NAV2: variants seen among roughly 807,000 people sequenced by gnomAD.
NAV2 encodes neuron navigator 2.
A neutral mutation model predicts 223.2 loss-of-function variants in NAV2; 54 were observed. The observed-to-expected ratio is 0.24, with a 90% CI of 0.19 to 0.30. NAV2 has a LOEUF of 0.30. NAV2 is among the 10% of genes least tolerant of loss of function. NAV2 has a pLI of 1.00. For missense variants in NAV2, 2,806 were observed against 3,147.5 expected (o/e 0.89, Z 2.60); for synonymous variants, 1,279 against 1,239.3 (o/e 1.03, Z -0.67).
chr11:19,371,928 G>A (rs1174001378), intron 1 of NAV2, among the ~76,000 whole-genome samples: 1 of 151,866 alleles, frequency 6.6e-6, no homozygotes, highest in African/African-American at 2.4e-5. Flanking sequence ...CAGGCACCCA[G>A]AACCACATCT....
chr11:19,811,800 G>C (rs78980230), intron 1 of NAV2, among the ~76,000 whole-genome samples: 3 of 152,106 alleles, frequency 2.0e-5, no homozygotes, highest in Non-Finnish European at 4.4e-5. Context: ...TTTTTATCTG[G>C]ATTCTAGGGG....
At chr11:19,929,308 AG>A (rs1380244642) in intron 6 of NAV2, among the ~76,000 whole-genome samples, 5 of 152,198 alleles carry the variant, frequency 3.3e-5, no homozygotes, top group African/African-American at 9.6e-5. Context: ...ACAGCCACTC[AG>A]CCAAGCTCTG....
intron 1 of NAV2, among the ~76,000 whole-genome samples, chr11:19,589,478 T>C (rs1207944210): frequency 6.6e-6 from 1 of 152,030 alleles, no homozygotes; most frequent in Admixed American, 6.5e-5. Context: ...GTCAGGGCCC[T>C]GGAAAAAGGA....
intron 3 of NAV2, 110 bp downstream of exon 3, chr11:19,843,033 T>C (rs2060592409): frequency 1.2e-6 from 1 of 845,416 alleles, no homozygotes; most frequent in Admixed American, 2.2e-5. Context: ...TCCAGGGGAT[T>C]ATATTAATAA....
intron 1 of NAV2, among the ~76,000 whole-genome samples, chr11:19,502,347 A>G (rs529318404): frequency 6.6e-6 from 1 of 152,346 alleles, no homozygotes; most frequent in South Asian, 2.1e-4. Context: ...AGGATTAAAT[A>G]AGTAAATCGA....
At chr11:20,013,282 CAATAGCA>C (rs1373171177) in intron 11 of NAV2, among the ~76,000 whole-genome samples, 2 of 152,138 alleles carry the variant, frequency 1.3e-5, no homozygotes, top group African/African-American at 4.8e-5. Context: ...TTTTCAGAAC[CAATAGCA>C]AAATTTGTAA....
chr11:20,044,829 A>G (rs1411966405), intron 13 of NAV2, 139 bp from the exon 14 acceptor site: 1 of 657,644 alleles, frequency 1.5e-6, no homozygotes, highest in Non-Finnish European at 2.6e-6. Context: ...AGACTATATT[A>G]TTTTTATAAA....
intron 1 of NAV2, among the ~76,000 whole-genome samples, chr11:19,719,296 T>C (rs964235474): frequency 6.6e-6 from 1 of 152,204 alleles, no homozygotes; most frequent in African/African-American, 2.4e-5. Flanking sequence ...CACAAGAAGC[T>C]GGATAAAATG....
At chr11:19,721,161 A>C (rs1239574869) in intron 1 of NAV2, among the ~76,000 whole-genome samples, 2 of 152,222 alleles carry the variant, frequency 1.3e-5, no homozygotes, top group African/African-American at 4.8e-5. Context: ...ACTTTGAAAA[A>C]ATATCTGAAA....
At chr11:19,444,389 A>C (rs1342928889) in intron 1 of NAV2, among the ~76,000 whole-genome samples, 1 of 152,210 alleles carries the variant, frequency 6.6e-6, no homozygotes, top group African/African-American at 2.4e-5. Flanking sequence ...CCTTTCTTGC[A>C]TCTAGGGAAA....
intron 1 of NAV2, among the ~76,000 whole-genome samples, chr11:19,684,422 G>A (rs2048965492): frequency 6.6e-6 from 1 of 152,076 alleles, no homozygotes; most frequent in South Asian, 2.1e-4. Flanking sequence ...TGATGAAGGT[G>A]AAGCTCTTGA....
At chr11:19,963,427 TGAATATCC>T (rs2048505942) in intron 10 of NAV2, among the ~76,000 whole-genome samples, 1 of 152,172 alleles carries the variant, frequency 6.6e-6, no homozygotes, top group Non-Finnish European at 1.5e-5. Context: ...CCCCACACTC[TGAATATCC>T]GAATATATGG....
At chr11:19,952,310 C>T (rs998908327) in intron 10 of NAV2, among the ~76,000 whole-genome samples, 3 of 152,200 alleles carry the variant, frequency 2.0e-5, no homozygotes, top group Non-Finnish European at 2.9e-5. Context: ...CTTGCCAGCT[C>T]TGTGACGTTA....
chr11:19,855,938 T>A (rs547236022), intron 3 of NAV2, among the ~76,000 whole-genome samples: 9 of 152,374 alleles, frequency 5.9e-5, no homozygotes, highest in Non-Finnish European at 1.2e-4. Context: ...TGAATGATTA[T>A]CAAGTGCTCT....
chr11:19,887,620 T>C (rs1214831166), intron 5 of NAV2, among the ~76,000 whole-genome samples: 2 of 152,170 alleles, frequency 1.3e-5, no homozygotes, highest in Non-Finnish European at 2.9e-5. Context: ...AGTTCAGATA[T>C]GGCAGTGTTG....
At chr11:19,695,966 T>G (rs1285106203) in intron 1 of NAV2, among the ~76,000 whole-genome samples, 1 of 151,752 alleles carries the variant, frequency 6.6e-6, no homozygotes, top group African/African-American at 2.4e-5. Flanking sequence ...GACTAAGGCC[T>G]TGTTCACTGA....
chr11:20,096,347 G>A (rs984136967), intron 30 of NAV2, among the ~76,000 whole-genome samples: 1 of 152,298 alleles, frequency 6.6e-6, no homozygotes, highest in East Asian at 1.9e-4. Context: ...ATGAGTACCA[G>A]GGTGAACCTT....
At chr11:20,100,667 G>A (rs530208084) in intron 31 of NAV2, among the ~76,000 whole-genome samples, 1 of 152,142 alleles carries the variant, frequency 6.6e-6, no homozygotes, top group South Asian at 2.1e-4. Flanking sequence ...GATAGGGACT[G>A]AGAGCCAAAA....
intron 1 of NAV2, among the ~76,000 whole-genome samples, chr11:19,704,028 G>C (rs1190030613): frequency 1.3e-5 from 2 of 151,790 alleles, no homozygotes; most frequent in East Asian, 3.9e-4. Flanking sequence ...TTTTGGGGGG[G>C]TGGAAGGGGG....
Sources: allele counts gnomAD v4.1 joint callset (sites outside exome capture counted in the v4.1 genomes callset), GRCh38; gene constraint gnomAD v4.1.1; transcripts MANE v1.5; gene names NCBI Gene and HGNC (gene_info 2026-07-23, HGNC 2026-07-21).